The following TOM1L1 variants were observed in gnomAD, a reference collection of about 807,000 sequenced individuals.
TOM1L1 encodes the protein target of myb1 like 1 membrane trafficking protein.
In TOM1L1, 64 loss-of-function variants were observed where a neutral mutation model predicts 63.4. The ratio of observed to expected loss-of-function variants is 1.01; its 90% CI spans 0.83 to 1.24. The LOEUF (loss-of-function observed/expected upper bound fraction) is 1.24, where lower values mean the gene tolerates loss of function less well. Ranked by LOEUF, TOM1L1 falls within the 50% of genes most tolerant of loss-of-function variation. The pLI is 0.00. For synonymous variants in TOM1L1, 166 were observed against 194.4 expected (o/e 0.85, Z 1.22); for missense variants, 536 against 567.0 (o/e 0.95, Z 0.55).
At chr17:54,948,022 C>G (rs1014010574) in intron 12 of TOM1L1, among the ~76,000 whole-genome samples, 16 of 152,196 alleles carry the variant, frequency 1.1e-4, no homozygotes, top group African/African-American at 3.9e-4. Flanking sequence ...GGCCACTCTG[C>G]TCTTTGCTGC....
At chr17:54,905,236 T>G (rs2048390837) in intron 2 of TOM1L1, among the ~76,000 whole-genome samples, 1 of 152,220 alleles carries the variant, frequency 6.6e-6, no homozygotes, top group African/African-American at 2.4e-5. Flanking sequence ...GGTAGTACTT[T>G]CTAGGTAATA....
chr17:54,944,267 G>T (rs1467586006), intron 11 of TOM1L1, among the ~76,000 whole-genome samples: 1 of 151,144 alleles, frequency 6.6e-6, no homozygotes, highest in Non-Finnish European at 1.5e-5. Context: ...GGCCAAAATG[G>T]TGAAACCCCA....
At chr17:54,941,683 G>A (rs1207456793) in intron 11 of TOM1L1, among the ~76,000 whole-genome samples, 2 of 152,196 alleles carry the variant, frequency 1.3e-5, no homozygotes, top group Non-Finnish European at 2.9e-5. Context: ...GCTAATAGCT[G>A]CCTGTTTTAA....
intron 8 of TOM1L1, among the ~76,000 whole-genome samples, chr17:54,936,006 C>T (rs34652394): frequency 0.23 from 34,699 of 151,636 alleles, 4,523 homozygotes; most frequent in Non-Finnish European, 0.29. Context: ...GCCTGTAATC[C>T]CAGCTACTTG....
intron 3 of TOM1L1, among the ~76,000 whole-genome samples, chr17:54,907,870 C>A (rs950610969): frequency 6.6e-6 from 1 of 152,166 alleles, no homozygotes; most frequent in African/African-American, 2.4e-5. Context: ...TTGCCGCTTT[C>A]TCCATTGTGC....
chr17:54,933,171 T>C (rs924461044), intron 8 of TOM1L1, among the ~76,000 whole-genome samples: 3 of 152,226 alleles, frequency 2.0e-5, no homozygotes, highest in Admixed American at 2.0e-4. Flanking sequence ...TCCATCTTCC[T>C]AGCTTTTGCA....
intron 7 of TOM1L1, among the ~76,000 whole-genome samples, chr17:54,926,938 C>T (rs1255929185): frequency 1.3e-5 from 2 of 152,168 alleles, no homozygotes; most frequent in Admixed American, 1.3e-4. Flanking sequence ...ACCTGGCTAA[C>T]CTATTGTGTT....
chr17:54,950,061 T>A lies in TOM1L1; in HGVS notation c.1305T>A (p.Asp435Glu). 6.2e-7 allele frequency: 1 copy of A among 1,613,964 alleles called. No homozygotes were observed. Among genetic ancestry groups the A allele is most frequent in the East Asian group, 2.2e-5 (1 of 44,854 alleles). Residue 435 changes from aspartate (D) to glutamate (E), a missense_variant, in exon 14 of 16, where the codon GAT (aspartate) becomes GAA (glutamate). Asp to Glu is a conservative substitution (Grantham distance 45). Coordinates refer to ENST00000575882, the MANE Select transcript of TOM1L1 (RefSeq NM_005486.3). ...PSNHPAMTKS[D>E]LQPPNYYEVM... is the part of the protein sequence containing the mutation. Reference sequence around the variant, plus strand: ...TGCCCAAAGCGATGACAAAAAGTGATCTCCAGCCACCTAATTACTACGAGG... The same window carrying A: ...TGCCCAAAGCGATGACAAAAAGTGAACTCCAGCCACCTAATTACTACGAGG...
Position 54,939,085 on chromosome 17 carries a change from A to G in TOM1L1, c.1130+65A>G. 5 of 1,148,578 alleles carry G rather than the reference A, an allele frequency of 4.4e-6. No individual in the cohort carries two copies. In the South Asian group the frequency reaches 7.1e-5, roughly 16 times the overall value. The allele number at this position is 1,148,578 out of a possible 1,614,324, so 71.1% of individuals were successfully genotyped here. A position where few individuals can be genotyped will look rare whatever the true frequency, so the allele number is the denominator to read the frequency against. Reference sequence around the variant, plus strand: ...ATTTAGATTCCTTACAATTAAGAAAACCTGATGGCTGGGCGCAGTGACTTA... The same window carrying G: ...ATTTAGATTCCTTACAATTAAGAAAGCCTGATGGCTGGGCGCAGTGACTTA... On this transcript the variant is annotated intron_variant, in intron 11 of 15. Transcript: ENST00000575882.
At chr17:54,913,725 C>T in intron 4 of TOM1L1, 23 bp from the exon 5 acceptor site, 1 of 1,500,536 alleles carries the variant, frequency 6.7e-7, no homozygotes, top group Non-Finnish European at 9.0e-7. Context: ...AACTCTGGAA[C>T]TTTTTTCATC....
rs1364051002 is a variant in TOM1L1, at chr17:54,950,115, T to A, written c.1359T>A (p.Ala453=). 1.9e-6 allele frequency: 3 copies of A among 1,611,972 alleles called. No homozygotes were observed. Among genetic ancestry groups the A allele is most frequent in the Non-Finnish European group, 2.5e-6 (3 of 1,178,208 alleles). ...TGGAGTTTGATCCCTTAGCTCCTGC[T>A]GTCACTACAGAGTAAGTCATTTACA... The part of the protein sequence containing the change: ...EVMEFDPLAP[A]VTTEAIYEEI... The change falls in exon 14 of 16, where the codon GCT becomes GCA. Residue 453 remains alanine, a synonymous_variant. Transcript: ENST00000575882.
chr17:54,959,007 T>C lies in TOM1L1; in HGVS notation c.1371-1559T>C, dbSNP rs567752684. Reference sequence around the variant, plus strand: ...ACAAATGAAGATAAACTTGAAGATTTAGTGATGGGAAAATGAGGAAGTTTC... The same window carrying C: ...ACAAATGAAGATAAACTTGAAGATTCAGTGATGGGAAAATGAGGAAGTTTC... On this transcript the variant is annotated intron_variant, in intron 14 of 15. Coordinates refer to ENST00000575882, the MANE Select transcript of TOM1L1 (RefSeq NM_005486.3). Among the ~76,000 whole-genome samples, 32 of 152,252 alleles carry C rather than the reference T, an allele frequency of 2.1e-4. 1 individual carries two copies. The highest frequency in any genetic ancestry group is 6.0e-4 in the African/African-American group (25 of 41,540).
intron 11 of TOM1L1, 94 bp downstream of exon 11, chr17:54,939,114 C>A: frequency 2.4e-6 from 2 of 850,568 alleles, no homozygotes; most frequent in Non-Finnish European, 3.6e-6. Flanking sequence ...TGACTTACAT[C>A]TGTAATCCTA....
intron 13 of TOM1L1, 141 bp from the exon 14 acceptor site, chr17:54,949,904 G>T: frequency 1.4e-6 from 1 of 692,448 alleles, no homozygotes; most frequent in Non-Finnish European, 2.4e-6. Context: ...GTTGAACTTG[G>T]GAGTAGCATT....
intron 1 of TOM1L1, 114 bp downstream of exon 1, chr17:54,901,037 T>TC: frequency 7.0e-7 from 1 of 1,420,720 alleles, no homozygotes. Context: ...AAAAAATTAT[T>TC]CCCCTCCCCC....
At chr17:54,944,465 T>C (rs984388833) in intron 11 of TOM1L1, among the ~76,000 whole-genome samples, 1 of 138,808 alleles carries the variant, frequency 7.2e-6, no homozygotes, top group Non-Finnish European at 1.6e-5. Flanking sequence ...AAAAAAAAAA[T>C]TCAAGAAGAG....
At chr17:54,926,642 A>G (rs987254693) in intron 7 of TOM1L1, among the ~76,000 whole-genome samples, 1 of 48,464 alleles carries the variant, frequency 2.1e-5, no homozygotes, top group African/African-American at 1.7e-4. Flanking sequence ...TAACCAGTTG[A>G]AAAAAAAAAA....
chr17:54,941,923 A>G (rs1598046261), intron 11 of TOM1L1, among the ~76,000 whole-genome samples: 1 of 152,328 alleles, frequency 6.6e-6, no homozygotes. Flanking sequence ...TCATATGCCT[A>G]AGATCACTTG....
In TOM1L1 at chr17:54,914,667, C is replaced by G; in HGVS notation, c.527C>G (p.Thr176Arg). The change falls in exon 6 of 16, where the codon ACA (threonine) becomes AGA (arginine). Residue 176 changes from threonine to arginine, a missense_variant. Physicochemically the swap from Thr to Arg is moderately conservative, Grantham distance 71 (BLOSUM62 -1). Coordinates refer to ENST00000575882, the MANE Select transcript of TOM1L1 (RefSeq NM_005486.3). Reference sequence around the variant, plus strand: ...GCTCAAATCTCATCAAATCCTCCAACATCTGTCCCTACTGCACCAGCTCTT... The same window carrying G: ...GCTCAAATCTCATCAAATCCTCCAAGATCTGTCCCTACTGCACCAGCTCTT... ...ETAQISSNPP[T>R]SVPTAPALSS... The G allele has an allele frequency of 6.2e-7, 1 of 1,613,876 alleles. No individual in the cohort carries two copies. The highest frequency in any genetic ancestry group is 8.5e-7 in the Non-Finnish European group (1 of 1,179,806).
Sources: allele counts gnomAD v4.1 joint callset (sites outside exome capture counted in the v4.1 genomes callset), GRCh38; gene constraint gnomAD v4.1.1; transcripts MANE v1.5; gene names NCBI Gene and HGNC (gene_info 2026-07-23, HGNC 2026-07-21).